Variants in EFR3A observed in about 807,000 individuals in gnomAD.
The protein encoded by EFR3A is protein EFR3 homolog A.
EFR3A carries 76 observed loss-of-function variants against 104.4 expected under a neutral mutation model. That is an observed-to-expected ratio of 0.73 (90% CI 0.60 to 0.88). The LOEUF is 0.88. Among genes scored for constraint, EFR3A ranks in the 40% least tolerant of loss-of-function variants. The pLI, the probability that EFR3A is intolerant of heterozygous loss-of-function variation, is 0.00. For synonymous variants in EFR3A, 330 were observed against 330.0 expected (o/e 1.00, Z 0.00); for missense variants, 985 against 1,012.5 (o/e 0.97, Z 0.37).
At chr8:131,963,224 G>A in intron 8 of EFR3A, among the ~76,000 whole-genome samples, 2 of 152,130 alleles carry the variant, frequency 1.3e-5, no homozygotes, top group Admixed American at 6.5e-5. Flanking sequence ...TAAGATCAGA[G>A]CAGAACTGAA....
intron 2 of EFR3A, among the ~76,000 whole-genome samples, chr8:131,942,696 G>T (rs1037789986): frequency 3.3e-5 from 5 of 152,060 alleles, no homozygotes; most frequent in African/African-American, 1.2e-4. Flanking sequence ...AGTACTGTGA[G>T]GTAGAAGAAC....
chr8:132,006,507 A>G (rs1282098250), intron 22 of EFR3A, among the ~76,000 whole-genome samples: 1 of 152,128 alleles, frequency 6.6e-6, no homozygotes, highest in Non-Finnish European at 1.5e-5. Context: ...AAAACATCCA[A>G]ATAACCCTAT....
intron 5 of EFR3A, among the ~76,000 whole-genome samples, chr8:131,952,687 C>G (rs1818769365): frequency 6.6e-6 from 1 of 152,112 alleles, no homozygotes; most frequent in Non-Finnish European, 1.5e-5. Context: ...TTTTAAAAAG[C>G]AGCATGTATA....
intron 10 of EFR3A, among the ~76,000 whole-genome samples, chr8:131,973,084 T>G (rs1820157576): frequency 6.7e-6 from 1 of 148,838 alleles, no homozygotes; most frequent in Non-Finnish European, 1.5e-5. Context: ...CTAGAAATTG[T>G]CCTCATTAAG....
At chr8:131,904,718 T>G (rs2130350629) in intron 1 of EFR3A, among the ~76,000 whole-genome samples, 1 of 152,298 alleles carries the variant, frequency 6.6e-6, no homozygotes, top group South Asian at 2.1e-4. Flanking sequence ...ACGTCGCTAG[T>G]GGACGCGCCG....
chr8:131,930,099 T>C (rs1057257340), intron 1 of EFR3A, among the ~76,000 whole-genome samples: 14 of 152,142 alleles, frequency 9.2e-5, no homozygotes, highest in Admixed American at 6.6e-5. Flanking sequence ...CAGGTATGCT[T>C]ATAAGCAGGA....
intron 22 of EFR3A, among the ~76,000 whole-genome samples, chr8:132,003,949 C>T (rs1821911729): frequency 6.6e-6 from 1 of 152,162 alleles, no homozygotes; most frequent in Non-Finnish European, 1.5e-5. Context: ...GTCTATGCTT[C>T]TGGAAATTTT....
chr8:131,927,737 A>G (rs1817372363), intron 1 of EFR3A, among the ~76,000 whole-genome samples: 1 of 152,180 alleles, frequency 6.6e-6, no homozygotes, highest in South Asian at 2.1e-4. Context: ...TTATTCATTT[A>G]CAATTTACAA....
chr8:131,926,979 A>G lies in EFR3A; in HGVS notation c.11-13520A>G, dbSNP rs146264868. On this transcript the variant is annotated intron_variant, in intron 1 of 22. Coordinates refer to ENST00000254624, the MANE Select transcript of EFR3A (RefSeq NM_015137.6). Reference sequence around the variant, plus strand: ...CATTTTTCTTTCACGGAGGGGAAAGATGTTCATTGTAGCTGTGGACTTTCT... The same window carrying G: ...CATTTTTCTTTCACGGAGGGGAAAGGTGTTCATTGTAGCTGTGGACTTTCT... Among the ~76,000 whole-genome samples, 162 of 152,268 alleles carry G rather than the reference A, an allele frequency of 1.1e-3. No individual in the cohort carries two copies. In the Middle Eastern group the frequency reaches 0.014, roughly 13 times the overall value.
chr8:132,000,481 C>CAA (rs1401429775), intron 19 of EFR3A, among the ~76,000 whole-genome samples: 4 of 152,058 alleles, frequency 2.6e-5, no homozygotes, highest in Non-Finnish European at 5.9e-5. Flanking sequence ...TGAATTAAGG[C>CAA]AAACAGGGAC....
At chr8:132,005,733 G>A (rs1382405824) in intron 22 of EFR3A, among the ~76,000 whole-genome samples, 2 of 152,078 alleles carry the variant, frequency 1.3e-5, no homozygotes, top group Non-Finnish European at 2.9e-5. Context: ...CAAAAATGCA[G>A]AAAGGATATA....
intron 1 of EFR3A, among the ~76,000 whole-genome samples, chr8:131,927,894 G>A (rs1817379814): frequency 6.6e-6 from 1 of 152,120 alleles, no homozygotes; most frequent in Non-Finnish European, 1.5e-5. Context: ...TTAAAGAACA[G>A]ATATAGATGT....
At chr8:131,946,054 A>G (rs1015197430) in intron 3 of EFR3A, among the ~76,000 whole-genome samples, 14 of 152,054 alleles carry the variant, frequency 9.2e-5, no homozygotes, top group African/African-American at 3.4e-4. Flanking sequence ...GATTTTTAAA[A>G]TAATATTATG....
chr8:131,996,485 T>G lies in EFR3A; in HGVS notation c.2145T>G (p.Pro715=). ...IQVDILSNNV[P]SDDVVSNTEE... ...TGGATATTTTATCCAACAATGTTCC[T>G]TCTGATGATGTGGTAAGTTACTGAA... Residue 715 remains proline (P), a synonymous_variant, in exon 19 of 23, where the codon CCT becomes CCG. Coordinates refer to ENST00000254624, the MANE Select transcript of EFR3A (RefSeq NM_015137.6). 6.3e-7 allele frequency: 1 copy of G among 1,594,488 alleles called. No individual in the cohort carries two copies. The highest frequency in any genetic ancestry group is 1.3e-5 in the African/African-American group (1 of 74,418).
Position 132,001,757 on chromosome 8 carries a change from A to C in EFR3A, c.2158-2A>C. 1 of 1,612,910 alleles carries C rather than the reference A, an allele frequency of 6.2e-7. No individual in the cohort carries two copies. The highest frequency in any genetic ancestry group is 8.5e-7 in the Non-Finnish European group (1 of 1,179,106). ...TCGATTTCACTTATCACTTTTCTCTAGGTTAGTAACACTGAAGAAATCACT... is the reference window on the plus strand; with the variant it reads ...TCGATTTCACTTATCACTTTTCTCTCGGTTAGTAACACTGAAGAAATCACT... On this transcript the variant is annotated splice_acceptor_variant, in intron 19 of 22. Coordinates refer to ENST00000254624, the MANE Select transcript of EFR3A (RefSeq NM_015137.6). LOFTEE classifies it high-confidence loss of function.
chr8:131,990,141 A>G (rs945438586), intron 18 of EFR3A, among the ~76,000 whole-genome samples: 1 of 152,230 alleles, frequency 6.6e-6, no homozygotes, highest in African/African-American at 2.4e-5. Context: ...CCCTACTTTC[A>G]CAAAGCTCAC....
chr8:131,931,351 A>C (rs964083826), intron 1 of EFR3A, among the ~76,000 whole-genome samples: 2 of 152,160 alleles, frequency 1.3e-5, no homozygotes, highest in Non-Finnish European at 2.9e-5. Context: ...TTAGGGAGTT[A>C]GAAGTTGTGG....
intron 6 of EFR3A, among the ~76,000 whole-genome samples, chr8:131,954,640 TTTA>T (rs1218705721): frequency 6.7e-6 from 1 of 149,602 alleles, no homozygotes; most frequent in Non-Finnish European, 1.5e-5. Context: ...TAGTGAAATA[TTTA>T]TTATAAATAA....
At chr8:131,918,883 T>C (rs4736522) in intron 1 of EFR3A, among the ~76,000 whole-genome samples, 61,356 of 152,098 alleles carry the variant, frequency 0.4, 12,919 homozygotes, top group Middle Eastern at 0.54. Context: ...CTGAGATAAC[T>C]CATATCCTAT....
Sources: allele counts gnomAD v4.1 joint callset (sites outside exome capture counted in the v4.1 genomes callset), GRCh38; gene constraint gnomAD v4.1.1; transcripts MANE v1.5; gene names NCBI Gene and HGNC (gene_info 2026-07-23, HGNC 2026-07-21).